ZFHX3: variants seen among roughly 807,000 people sequenced by gnomAD.
ZFHX3 encodes the protein zinc finger homeobox 3.
Under a neutral mutation model 279.1 loss-of-function variants are expected in ZFHX3, and 42 were observed. That is an observed-to-expected ratio of 0.15 (90% confidence interval 0.12 to 0.19). The LOEUF is 0.19. Ranked by LOEUF, ZFHX3 falls within the 10% of genes least tolerant of loss-of-function variation. The probability of loss-of-function intolerance (pLI) is 1.00; values close to 1 mark genes in which losing one functional copy is unlikely to be tolerated. For missense variants in ZFHX3, 4,981 were observed against 4,754.0 expected, an observed-to-expected ratio of 1.05 and a Z score of -1.40; for synonymous variants, 2,293 against 1,957.8, an observed-to-expected ratio of 1.17 and a Z score of -4.52.
intron 1 of ZFHX3, among the ~76,000 whole-genome samples, chr16:72,994,504 C>A (rs1963208574): frequency 6.6e-6 from 1 of 152,230 alleles, no homozygotes; most frequent in Non-Finnish European, 1.5e-5. Flanking sequence ...ATTAACAGAA[C>A]CTCAAACCAA....
At position 73,074,702 on chromosome 16, in the gene ZFHX3, AAGGG is replaced by A. The variant is rs368408890; in HGVS notation, c.-532-15694_-532-15691del. On this transcript the variant is annotated intron_variant, in intron 8 of 17. Coordinates refer to the ZFHX3 transcript ENST00000641206. ...ATGCTTAACCAACGAGGAAGGAGGG[AAGGG>A]AGGGAGGGAGGGAGGATCAGATCGC... Among the ~76,000 whole-genome samples the A allele has an allele frequency of 3.7e-3, 547 of 147,456 alleles. 4 individuals carry two copies. The highest frequency in any genetic ancestry group is 0.013 in the African/African-American group (520 of 40,750).
intron 2 of ZFHX3, among the ~76,000 whole-genome samples, chr16:73,587,588 G>A (rs1344730912): frequency 6.6e-6 from 1 of 152,186 alleles, no homozygotes; most frequent in Admixed American, 6.5e-5. Context: ...CATAGCAAAA[G>A]CAGCAGAATT....
At chr16:73,510,513 A>G (rs2019410643) in intron 2 of ZFHX3, among the ~76,000 whole-genome samples, 1 of 152,224 alleles carries the variant, frequency 6.6e-6, no homozygotes, top group African/African-American at 2.4e-5. Flanking sequence ...CAACTAAACC[A>G]TGAAATCTGA....
intron 1 of ZFHX3, among the ~76,000 whole-genome samples, chr16:73,682,840 G>A (rs527459691): frequency 2.4e-4 from 32 of 133,084 alleles, no homozygotes; most frequent in South Asian, 1.4e-3. Flanking sequence ...GAGAGAGAGA[G>A]AAAAAAAGAA....
chr16:72,958,360 T>G lies in ZFHX3; in HGVS notation c.1786A>C (p.Asn596His), dbSNP rs757829970. ...TCTGGTGCTGTGGCATTGTCTTTAT[T>G]GGCACTTTCGTCAGCGAAGTCCAGC... ...RRLDFADESA[N>H]KDNATAPEPN... The change falls in exon 2 of 10, where the codon AAT (asparagine) becomes CAT (histidine). Residue 596 changes from asparagine (N) to histidine (H), a missense_variant. Transcript: ENST00000268489. The G allele has an allele frequency of 6.2e-7, 1 of 1,614,138 alleles. No individual in the cohort carries two copies. Among genetic ancestry groups the G allele is most frequent in the Non-Finnish European group, 8.5e-7 (1 of 1,179,988 alleles).
chr16:73,077,858 G>T (rs1256183425), intron 8 of ZFHX3, among the ~76,000 whole-genome samples: 8 of 152,316 alleles, frequency 5.3e-5, no homozygotes, highest in South Asian at 4.1e-4. Flanking sequence ...AGGCTGAAGT[G>T]CAATGACGTG....
intron 5 of ZFHX3, among the ~76,000 whole-genome samples, chr16:73,222,393 T>C (rs2012452292): frequency 1.3e-5 from 2 of 152,220 alleles, no homozygotes; most frequent in East Asian, 1.9e-4. Flanking sequence ...AAGCTTAATA[T>C]ACAAAACTCA....
chr16:72,811,652 G>C lies in ZFHX3; in HGVS notation c.3789C>G (p.Asn1263Lys), dbSNP rs1038627650. Residue 1263 changes from asparagine to lysine, a missense_variant, in exon 7 of 10, where the codon AAC becomes AAG. Asn to Lys is a moderately conservative substitution (Grantham distance 94). Transcript: ENST00000268489. ...TGAGGTGCAGCTGGAGGTGGATCTTGTTGTTGAGCATGTCCTGGCACAGGG... is the reference window on the plus strand; with the variant it reads ...TGAGGTGCAGCTGGAGGTGGATCTTCTTGTTGAGCATGTCCTGGCACAGGG... The part of the protein sequence containing the change: ...RCPLCQDMLN[N>K]KIHLQLHLTH... 6.2e-7 allele frequency: 1 copy of C among 1,613,852 alleles called. No individual in the cohort carries two copies. The highest frequency in any genetic ancestry group is 2.2e-5 in the East Asian group (1 of 44,858).
At chr16:73,879,663 C>T (rs1256383013) in intron 1 of ZFHX3, among the ~76,000 whole-genome samples, 1 of 152,084 alleles carries the variant, frequency 6.6e-6, no homozygotes, top group East Asian at 1.9e-4. Context: ...AGAGTAAGTT[C>T]CTGCCTAAAA....
At chr16:73,355,044 T>C (rs1410339517) in intron 3 of ZFHX3, among the ~76,000 whole-genome samples, 2 of 152,164 alleles carry the variant, frequency 1.3e-5, no homozygotes, top group East Asian at 3.9e-4. Flanking sequence ...TAAATTAGGC[T>C]TCTCCTGTTA....
In ZFHX3 at chr16:72,787,996, G is replaced by C. The variant is rs751991168; in HGVS notation, c.10280C>G (p.Thr3427Ser). ...ESPKPEEQKN[T>S]PREVSPLLPK... ...CAGGAGGGGGGACACCTCACGGGGGGTGTTTTTCTGTTCTTCTGGTTTGGG... is the reference window on the plus strand; with the variant it reads ...CAGGAGGGGGGACACCTCACGGGGGCTGTTTTTCTGTTCTTCTGGTTTGGG... The change falls in exon 10 of 10, where the codon ACC becomes AGC. Residue 3427 changes from threonine (T) to serine (S), a missense_variant. Physicochemically the swap from Thr to Ser is moderately conservative, Grantham distance 58. Around this residue, in one of 7 missense-constraint regions of ZFHX3, gnomAD observed 1,034 missense variants for 786.0 expected, o/e 1.32. Coordinates refer to ENST00000268489, the MANE Select transcript of ZFHX3 (RefSeq NM_006885.4). 6.2e-7 allele frequency: 1 copy of C among 1,613,106 alleles called. No individual in the cohort carries two copies. The highest frequency in any genetic ancestry group is 1.1e-5 in the South Asian group (1 of 91,008).
At chr16:73,537,314 C>CTTTTT (rs3051948) in intron 2 of ZFHX3, among the ~76,000 whole-genome samples, 19 of 77,626 alleles carry the variant, frequency 2.4e-4, no homozygotes, top group Non-Finnish European at 3.8e-4. Flanking sequence ...CTTTCTTCTT[C>CTTTTT]TTTTTTTTTT....
At chr16:73,592,576 T>C (rs1393364920) in intron 2 of ZFHX3, among the ~76,000 whole-genome samples, 2 of 152,144 alleles carry the variant, frequency 1.3e-5, no homozygotes, top group African/African-American at 4.8e-5. Context: ...TGGCTGGCCT[T>C]ATACCCTGAA....
At chr16:73,721,587 C>T (rs548585637) in intron 1 of ZFHX3, among the ~76,000 whole-genome samples, 6 of 152,258 alleles carry the variant, frequency 3.9e-5, no homozygotes, top group Admixed American at 2.0e-4. Flanking sequence ...TCTTCCTAAC[C>T]GGCATGCCCA....
chr16:73,193,434 C>T (rs1002847500), intron 5 of ZFHX3, among the ~76,000 whole-genome samples: 1 of 152,170 alleles, frequency 6.6e-6, no homozygotes, highest in South Asian at 2.1e-4. Context: ...TCCTGAAGGT[C>T]GATGCTCAAC....
chr16:73,005,901 C>G (rs1221848903), intron 1 of ZFHX3: 1 of 152,214 alleles, frequency 6.6e-6, no homozygotes, highest in Non-Finnish European at 1.5e-5. Flanking sequence ...CTTTACCAGA[C>G]ACATTTCTAT....
At chr16:73,605,314 C>T (rs1299297896) in intron 2 of ZFHX3, among the ~76,000 whole-genome samples, 5 of 152,154 alleles carry the variant, frequency 3.3e-5, no homozygotes, top group Non-Finnish European at 2.9e-5. Context: ...AAATTAAACA[C>T]GATAAGCATT....
intron 2 of ZFHX3, among the ~76,000 whole-genome samples, chr16:73,557,192 C>A (rs561770994): frequency 6.2e-4 from 93 of 150,858 alleles, no homozygotes; most frequent in African/African-American, 2.2e-3. Context: ...TGTGGCCGGG[C>A]CTTTTGCCTG....
At chr16:73,341,728 T>C (rs1567455468) in intron 3 of ZFHX3, among the ~76,000 whole-genome samples, 2 of 152,222 alleles carry the variant, frequency 1.3e-5, no homozygotes, top group African/African-American at 4.8e-5. Flanking sequence ...AGAGATGGTA[T>C]ATATACACAA....
Sources: gnomAD v4.1 joint callset for allele counts (sites outside exome capture counted in the v4.1 genomes callset) on GRCh38, gnomAD v4.1.1 for gene constraint, gnomAD v4.1.1 regional missense constraint, MANE v1.5 for transcripts, NCBI Gene and HGNC (gene_info 2026-07-23, HGNC 2026-07-21) for gene names.